The following DISC1 variants were observed in gnomAD, a reference collection of about 807,000 sequenced individuals.
The protein encoded by DISC1 is disrupted in schizophrenia 1 protein.
DISC1 carries 57 observed loss-of-function variants against 84.5 expected under a neutral mutation model. That is an observed-to-expected ratio of 0.67 (90% confidence interval 0.55 to 0.84). The LOEUF (loss-of-function observed/expected upper bound fraction) is 0.84. Among genes scored for constraint, DISC1 ranks in the 40% least tolerant of loss-of-function variants. The pLI, the probability that DISC1 is intolerant of heterozygous loss-of-function variation, is 0.00. For missense variants in DISC1, 1,000 were observed against 1,057.8 expected, an observed-to-expected ratio of 0.95 and a Z score of 0.76; for synonymous variants, 411 against 415.2, an observed-to-expected ratio of 0.99 and a Z score of 0.12.
At chr1:231,655,433 CT>C (rs537917051) in intron 1 of DISC1, among the ~76,000 whole-genome samples, 18 of 152,090 alleles carry the variant, frequency 1.2e-4, no homozygotes, top group African/African-American at 2.4e-4. Context: ...TTATTTCATT[CT>C]TTTTTATGGC....
At chr1:231,750,912 A>G (rs746456781) in intron 4 of DISC1, among the ~76,000 whole-genome samples, 2 of 152,200 alleles carry the variant, frequency 1.3e-5, no homozygotes, top group Non-Finnish European at 2.9e-5. Flanking sequence ...GACAATCACA[A>G]GATTTTCTGG....
intron 1 of DISC1, among the ~76,000 whole-genome samples, chr1:231,654,908 G>T (rs1308469385): frequency 6.6e-6 from 1 of 152,136 alleles, no homozygotes; most frequent in Non-Finnish European, 1.5e-5. Context: ...AGATGGGAAG[G>T]CAAAATTCTT....
intron 9 of DISC1, among the ~76,000 whole-genome samples, chr1:231,955,121 G>C (rs949318014): frequency 6.6e-6 from 1 of 152,148 alleles, no homozygotes; most frequent in Non-Finnish European, 1.5e-5. Context: ...TTTTCTTCAG[G>C]TGGTGTGTCC....
At chr1:231,921,165 C>T (rs1220499892) in intron 9 of DISC1, among the ~76,000 whole-genome samples, 1 of 151,936 alleles carries the variant, frequency 6.6e-6, no homozygotes, top group Admixed American at 6.6e-5. Context: ...CTGCCCGCCT[C>T]GGCCTCCCAA....
At chr1:231,767,424 G>A (rs949315748) in intron 5 of DISC1, among the ~76,000 whole-genome samples, 155 bp downstream of exon 5, 12 of 152,190 alleles carry the variant, frequency 7.9e-5, no homozygotes, top group African/African-American at 2.9e-4. Flanking sequence ...AGCCTCCCAA[G>A]TAGCTGGATC....
At chr1:231,681,942 C>T (rs185807848) in intron 1 of DISC1, among the ~76,000 whole-genome samples, 15 of 152,260 alleles carry the variant, frequency 9.9e-5, no homozygotes, top group East Asian at 1.9e-4. Flanking sequence ...TCAGGTAATC[C>T]GCCTTTCTTG....
At chr1:231,632,450 GAACTCTCA>G in intron 1 of DISC1, among the ~76,000 whole-genome samples, 1 of 152,152 alleles carries the variant, frequency 6.6e-6, no homozygotes, top group Non-Finnish European at 1.5e-5. Flanking sequence ...TTCAAAGTTT[GAACTCTCA>G]GAGAAATGCA....
intron 9 of DISC1, among the ~76,000 whole-genome samples, chr1:231,926,139 A>G (rs1365943803): frequency 1.3e-5 from 2 of 152,218 alleles, no homozygotes; most frequent in Admixed American, 1.3e-4. Flanking sequence ...AATATTTTCA[A>G]CCCAAGATTG....
intron 1 of DISC1, among the ~76,000 whole-genome samples, chr1:231,656,331 T>C (rs1015564605): frequency 2.2e-4 from 34 of 152,226 alleles, no homozygotes; most frequent in Non-Finnish European, 4.7e-4. Context: ...GCACCATTTA[T>C]TGAATAGCAT....
chr1:231,881,991 C>T (rs903106759), intron 9 of DISC1, among the ~76,000 whole-genome samples: 3 of 152,158 alleles, frequency 2.0e-5, no homozygotes, highest in Non-Finnish European at 4.4e-5. Context: ...CATGCTTGGT[C>T]GGTAGAGACT....
chr1:232,036,823 CAA>C lies in DISC1; in HGVS notation c.2558_2559del (p.Gln853ArgfsTer29). On this transcript the variant is annotated frameshift_variant, in exon 13 of 13. Transcript: ENST00000439617. LOFTEE classifies it high-confidence loss of function. The stretch of plus-strand genomic sequence containing the variant: ...CATGACAGCTGGTGTCCACGAAGCA[CAA>C]GCCTGAGGAGTGACGGGATGGGGGA... Reference protein sequence around the residue: ...SCMTAGVHEAQA With the variant: ...SCMTAGVHEAXA 6.4e-7 allele frequency: 1 copy of C among 1,573,896 alleles called. No individual in the cohort carries two copies. The highest frequency in any genetic ancestry group is 8.7e-7 in the Non-Finnish European group (1 of 1,154,910).
chr1:232,021,052 T>C (rs1668910009), intron 11 of DISC1, among the ~76,000 whole-genome samples: 1 of 152,190 alleles, frequency 6.6e-6, no homozygotes, highest in Admixed American at 6.5e-5. Context: ...CAGGAGGACA[T>C]GATCATTTAA....
chr1:231,886,766 C>CCTTTCTTCCGTCCTTCCTTT (rs2086726056), intron 9 of DISC1, among the ~76,000 whole-genome samples: 46 of 84,422 alleles, frequency 5.4e-4, no homozygotes, highest in African/African-American at 2.0e-3. Flanking sequence ...TTCCTTCCTT[C>CCTTTCTTCCGTCCTTCCTTT]CTTTCTTTCT....
rs540309983 is a variant in DISC1, at chr1:231,684,076, G to T, written c.68-9750G>T. Among the ~76,000 whole-genome samples the T allele has an allele frequency of 9.2e-5, 14 of 152,140 alleles. No homozygotes were observed. The South Asian group carries it at 2.9e-3, about 32-fold the overall frequency. On this transcript the variant is annotated intron_variant, in intron 1 of 12. Transcript: ENST00000439617. Reference sequence around the variant, plus strand: ...TCTGCATCTGCTTGTTGACATGTCTGTCTTCCCCAGGGAGCCATGAGCTCC... The same window carrying T: ...TCTGCATCTGCTTGTTGACATGTCTTTCTTCCCCAGGGAGCCATGAGCTCC...
chr1:231,971,671 G>A (rs921192590), intron 10 of DISC1, among the ~76,000 whole-genome samples: 1 of 152,142 alleles, frequency 6.6e-6, no homozygotes, highest in African/African-American at 2.4e-5. Flanking sequence ...GCTGACACCA[G>A]GATGGGTTCT....
intron 3 of DISC1, among the ~76,000 whole-genome samples, chr1:231,717,464 G>A (rs2068919718): frequency 6.6e-6 from 1 of 152,138 alleles, no homozygotes; most frequent in South Asian, 2.1e-4. Flanking sequence ...GGTCAGAAAA[G>A]CCAAGGCCCG....
At chr1:231,722,436 G>C (rs942092655) in intron 3 of DISC1, 11 of 1,565,016 alleles carry the variant, frequency 7.0e-6, no homozygotes, top group Non-Finnish European at 8.7e-7. Context: ...TCGAACAAGT[G>C]TGTCCAGCAT....
At chr1:231,757,414 T>A (rs937947323) in intron 4 of DISC1, among the ~76,000 whole-genome samples, 1 of 152,224 alleles carries the variant, frequency 6.6e-6, no homozygotes, top group Non-Finnish European at 1.5e-5. Flanking sequence ...CCTTTATGTT[T>A]TATTATTTTT....
chr1:231,931,645 A>ATTTTTTTTTTTTTTTTTT (rs10652394), intron 9 of DISC1, among the ~76,000 whole-genome samples: 1 of 137,942 alleles, frequency 7.2e-6, no homozygotes. Flanking sequence ...ACTGCTTGTG[A>ATTTTTTTTTTTTTTTTTT]TTTTTTTTTT....
Sources: allele counts gnomAD v4.1 joint callset (sites outside exome capture counted in the v4.1 genomes callset), GRCh38; gene constraint gnomAD v4.1.1; transcripts MANE v1.5; gene names NCBI Gene and HGNC (gene_info 2026-07-23, HGNC 2026-07-21).